Variants in C3 observed in about 807,000 individuals in gnomAD.
C3 encodes C3 and PZP-like alpha-2-macroglobulin domain-containing protein 1.
Under a neutral mutation model 207.9 loss-of-function variants are expected in C3, and 97 were observed. That is an observed-to-expected ratio of 0.47 (90% CI 0.40 to 0.55). The LOEUF is 0.55. Among genes scored for constraint, C3 ranks in the 20% least tolerant of loss-of-function variants. C3 has a pLI of 0.00. For missense variants in C3, 1,684 were observed against 2,171.7 expected (o/e 0.78, Z 4.46); for synonymous variants, 848 against 857.6 (o/e 0.99, Z 0.20).
intron 2 of C3, 26 bp from the exon 3 acceptor site, chr19:6,718,438 G>T: frequency 6.2e-7 from 1 of 1,614,100 alleles, no homozygotes; most frequent in African/African-American, 1.3e-5. Flanking sequence ...GCATTGTCAG[G>T]GGTCTGTTCC....
rs1157450378 is a variant in C3, at chr19:6,684,796, T to C, written c.4008A>G (p.Gly1336=). Residue 1336 remains glycine, a synonymous_variant, in exon 31 of 41, where the codon GGA becomes GGG. Coordinates refer to ENST00000245907, the MANE Select transcript of C3 (RefSeq NM_000064.4). ...TTACCGACAAGGTGCCTTGGCCTTT[T>C]CCTTCAGCTGTGACTGTGAAACCCT... ...ENEGFTVTAE[G]KGQGTLSVVT... 5 of 1,614,232 alleles carry C rather than the reference T, an allele frequency of 3.1e-6. No individual in the cohort carries two copies. Among genetic ancestry groups the C allele is most frequent in the Non-Finnish European group, 4.2e-6 (5 of 1,180,034 alleles).
intron 11 of C3, among the ~76,000 whole-genome samples, chr19:6,711,832 C>T (rs1047371247): frequency 2.0e-5 from 3 of 152,180 alleles, no homozygotes; most frequent in Non-Finnish European, 4.4e-5. Context: ...TGGGCCTGTC[C>T]CAAACACTAC....
intron 36 of C3, 73 bp from the exon 37 acceptor site, chr19:6,679,569 T>A (rs758938392): frequency 8.6e-5 from 86 of 996,178 alleles, no homozygotes; most frequent in Non-Finnish European, 1.4e-4. Flanking sequence ...GAGGCCCAGA[T>A]CCCCAGTTCT....
At chr19:6,683,612 G>A (rs1406251228) in intron 33 of C3, among the ~76,000 whole-genome samples, 2 of 151,740 alleles carry the variant, frequency 1.3e-5, no homozygotes, top group Admixed American at 6.6e-5. Flanking sequence ...CACCATGCCC[G>A]GCTAATTTTT....
At position 6,684,981 on chromosome 19, in the gene C3, A is replaced by G; in HGVS notation, c.3969+7T>C. 6.2e-7 allele frequency: 1 copy of G among 1,613,356 alleles called. No homozygotes were observed. Among genetic ancestry groups the G allele is most frequent in the Non-Finnish European group, 8.5e-7 (1 of 1,179,984 alleles). ...AGAGTGAGGAGGGCTTGGCTGGGTG[A>G]CTGTACCTCTTCTGATCGCAGGAGG... is the stretch of plus-strand genomic sequence containing the variant. On this transcript the variant is annotated splice_region_variant and intron_variant, in intron 30 of 40. Transcript: ENST00000245907.
intron 17 of C3, among the ~76,000 whole-genome samples, chr19:6,706,822 C>G (rs1272659904): frequency 6.8e-6 from 1 of 147,556 alleles, no homozygotes; most frequent in African/African-American, 2.5e-5. Context: ...CCTCCTCCCC[C>G]CTCAAGGCCT....
chr19:6,707,477 C>G lies in C3; in HGVS notation c.2036G>C (p.Arg679Pro). ...RRRSVQLTEK[R>P]MDKVGKYPKE... ...GGAAAGGCTCCCACCTTTGTCCATT[C>G]GCTTCTCCGTGAGCTGCACGGAACG... The change falls in exon 16 of 41, where the codon CGA becomes CCA. Residue 679 changes from arginine (R) to proline (P), a missense_variant. This residue lies in a region of C3 where 1,280 missense variants were observed against 1,739.1 expected (regional missense o/e 0.74). Transcript: ENST00000245907. 6.2e-7 allele frequency: 1 copy of G among 1,614,008 alleles called. No homozygotes were observed. The highest frequency in any genetic ancestry group is 8.5e-7 in the Non-Finnish European group (1 of 1,179,958).
chr19:6,686,327 G>T (rs376282371), intron 28 of C3, 40 bp from the exon 29 acceptor site: 144 of 1,609,424 alleles, frequency 8.9e-5, no homozygotes, highest in Non-Finnish European at 1.2e-4. Flanking sequence ...TCACTGCTCT[G>T]TCCAGCCTGG....
rs377240996 is a variant in C3, at chr19:6,714,086, G to T, written c.683-4C>A. The stretch of plus-strand genomic sequence containing the variant: ...ATGACCTCGAAACTGGGCAGCACTG[G>T]GGGAGAGATGGCGTTGGTGGGGCCG... On this transcript the variant is annotated splice_polypyrimidine_tract_variant and splice_region_variant and intron_variant, in intron 6 of 40. Transcript: ENST00000245907. The T allele has an allele frequency of 6.2e-7, 1 of 1,611,878 alleles. No homozygotes were observed. Among genetic ancestry groups the T allele is most frequent in the East Asian group, 2.2e-5 (1 of 44,720 alleles).
At chr19:6,710,203 A>G (rs547331214) in intron 13 of C3, among the ~76,000 whole-genome samples, 19 of 95,862 alleles carry the variant, frequency 2.0e-4, no homozygotes, top group African/African-American at 6.6e-4. Flanking sequence ...GGAAAGAGAG[A>G]AGGAGAGAAA....
Position 6,714,245 on chromosome 19 carries a change from C to T in C3, c.603G>A (p.Met201Ile). 1.2e-6 allele frequency: 2 copies of T among 1,613,924 alleles called. No homozygotes were observed. The stretch of plus-strand genomic sequence containing the variant: ...AGTAGGCTCGGATCTTCCACTGGCC[C>T]ATGCTGTGAGGAGGGCGGATGAGTG... ...LSWDIPELVN[M>I]GQWKIRAYYE... is the part of the protein sequence containing the mutation. The change falls in exon 6 of 41, where the codon ATG becomes ATA. Residue 201 changes from methionine (M) to isoleucine (I), a missense_variant. This residue lies in a region of C3 where 1,280 missense variants were observed against 1,739.1 expected (regional missense o/e 0.74). Coordinates refer to ENST00000245907, the MANE Select transcript of C3 (RefSeq NM_000064.4).
chr19:6,691,693 CAGATTCCTAG>C (rs1299443112), intron 26 of C3, among the ~76,000 whole-genome samples: 1 of 152,022 alleles, frequency 6.6e-6, no homozygotes, highest in Non-Finnish European at 1.5e-5. Flanking sequence ...TTTAAAAACT[CAGATTCCTAG>C]GCCGGGCGCG....
In C3 at chr19:6,718,174, G is replaced by C; in HGVS notation, c.434-10C>G. 1 of 1,614,174 alleles carries C rather than the reference G, an allele frequency of 6.2e-7. No homozygotes were observed. The highest frequency in any genetic ancestry group is 1.1e-5 in the South Asian group (1 of 91,086). ...AAGATCCGATAGAGAACTGGGGAGAGACAAAGAGGCCTCGTGAGACCCTAG... is the reference window on the plus strand; with the variant it reads ...AAGATCCGATAGAGAACTGGGGAGACACAAAGAGGCCTCGTGAGACCCTAG... On this transcript the variant is annotated splice_polypyrimidine_tract_variant and intron_variant, in intron 3 of 40. Transcript: ENST00000245907.
Position 6,714,415 on chromosome 19 carries a change from G to T in C3, c.536C>A (p.Ser179Tyr), listed in dbSNP as rs267605752. ...NPEGIPVKQD[S>Y]LSSQNQLGVL... ...GCCAAGCTGGTTCTGAGAAGACAAG[G>T]AGTCCTGCTTGACCGGGATGCCTTC... is the stretch of plus-strand genomic sequence containing the variant. The change falls in exon 5 of 41, where the codon TCC becomes TAC. Residue 179 changes from serine (S) to tyrosine (Y), a missense_variant. Ser to Tyr is a moderately radical substitution (Grantham distance 144). Transcript: ENST00000245907. 1.2e-6 allele frequency: 2 copies of T among 1,613,856 alleles called. No homozygotes were observed. The highest frequency in any genetic ancestry group is 1.7e-6 in the Non-Finnish European group (2 of 1,180,012).
rs780275545 is a variant in C3 at position 6,697,607 on chromosome 19, AC to A, written c.2583+44del. ...CAAGTGTGTGTGCAACAGGCTACCT[AC>A]CCCCTGGCAGCCTCCAAGAAGCCTC... On this transcript the variant is annotated intron_variant, in intron 20 of 40. Transcript: ENST00000245907. 38 of 1,612,658 alleles carry A rather than the reference AC, an allele frequency of 2.4e-5. 1 individual carries two copies. In the African/African-American group the frequency reaches 4.4e-4, roughly 19 times the overall value.
intron 4 of C3, 28 bp from the exon 5 acceptor site, chr19:6,714,474 G>A: frequency 1.3e-6 from 2 of 1,544,472 alleles, no homozygotes; most frequent in Non-Finnish European, 1.8e-6. Context: ...GAAGGATAGA[G>A]GATAAAGTGG....
chr19:6,682,252 C>G (rs1238085163), intron 33 of C3, 23 bp from the exon 34 acceptor site: 1 of 1,587,896 alleles, frequency 6.3e-7, no homozygotes, highest in Non-Finnish European at 8.7e-7. Flanking sequence ...GAAAGAAGGG[C>G]ATTGGGTCCC....
At chr19:6,701,015 C>T (rs112240512) in intron 19 of C3, among the ~76,000 whole-genome samples, 256 of 151,906 alleles carry the variant, frequency 1.7e-3, no homozygotes, top group African/African-American at 5.9e-3. Flanking sequence ...GGCAGATAGG[C>T]GGAAATGAGC....
At chr19:6,682,064 C>T (rs182162639) in intron 34 of C3, 34 bp from the exon 35 acceptor site, 1 of 1,605,568 alleles carries the variant, frequency 6.2e-7, no homozygotes, top group East Asian at 2.2e-5. Context: ...AAAATCCCTC[C>T]TGGACCCCTC....
Sources: allele counts gnomAD v4.1 joint callset (sites outside exome capture counted in the v4.1 genomes callset), GRCh38; gene constraint gnomAD v4.1.1; regional missense constraint gnomAD v4.1.1; transcripts MANE v1.5; gene names NCBI Gene and HGNC (gene_info 2026-07-23, HGNC 2026-07-21).